DTNB: variants seen among roughly 807,000 people sequenced by gnomAD.
The protein encoded by DTNB is dystrobrevin beta.
In DTNB, 63 loss-of-function variants were observed where a neutral mutation model predicts 90.7. The ratio of observed to expected loss-of-function variants is 0.69; its 90% CI spans 0.57 to 0.86. The LOEUF (loss-of-function observed/expected upper bound fraction) is 0.86, where lower values mean the gene tolerates loss of function less well. Ranked by LOEUF, DTNB falls within the 40% of genes least tolerant of loss-of-function variation. DTNB has a pLI of 0.00. For synonymous variants in DTNB, 277 were observed against 286.7 expected (o/e 0.97, Z 0.34); for missense variants, 744 against 807.1 (o/e 0.92, Z 0.95).
intron 10 of DTNB, among the ~76,000 whole-genome samples, chr2:25,455,769 G>T (rs2059933723): frequency 1.3e-5 from 2 of 152,176 alleles, no homozygotes; most frequent in African/African-American, 2.4e-5. Flanking sequence ...AGTCGGCAGG[G>T]GAGCCGCATG....
At chr2:25,481,214 A>G (rs1486951796) in intron 10 of DTNB, among the ~76,000 whole-genome samples, 2 of 151,820 alleles carry the variant, frequency 1.3e-5, no homozygotes, top group Non-Finnish European at 2.9e-5. Context: ...CTTGGCCAAC[A>G]TGGTGAAACC....
intron 19 of DTNB, among the ~76,000 whole-genome samples, chr2:25,380,399 A>G (rs1487822152): frequency 6.6e-6 from 1 of 152,218 alleles, no homozygotes; most frequent in Non-Finnish European, 1.5e-5. Flanking sequence ...TGTATGAGCT[A>G]CGTTGTAGTT....
chr2:25,579,015 T>C (rs1163375415), intron 7 of DTNB, among the ~76,000 whole-genome samples: 1 of 152,206 alleles, frequency 6.6e-6, no homozygotes, highest in East Asian at 1.9e-4. Context: ...CTGATAAAAA[T>C]ATTACAAACC....
At chr2:25,515,522 C>A (rs530160458) in intron 9 of DTNB, among the ~76,000 whole-genome samples, 58 of 152,248 alleles carry the variant, frequency 3.8e-4, no homozygotes, top group African/African-American at 1.3e-3. Context: ...CTCAATGGTG[C>A]AAGGAATGGT....
intron 16 of DTNB, among the ~76,000 whole-genome samples, chr2:25,410,969 C>A (rs1238196175): frequency 6.7e-6 from 1 of 148,176 alleles, no homozygotes; most frequent in African/African-American, 2.5e-5. Flanking sequence ...ACTGTAACTG[C>A]TGCTAATCAG....
intron 15 of DTNB, among the ~76,000 whole-genome samples, chr2:25,427,224 C>CA (rs60780681): frequency 9.4e-5 from 14 of 148,588 alleles, no homozygotes; most frequent in African/African-American, 2.5e-4. Flanking sequence ...CACACACACA[C>CA]TACTTTAAGT....
intron 2 of DTNB, among the ~76,000 whole-genome samples, chr2:25,640,665 T>A (rs1415355488): frequency 6.6e-6 from 1 of 152,152 alleles, no homozygotes; most frequent in Non-Finnish European, 1.5e-5. Context: ...ATCTCAGTAC[T>A]TTGGGGGGCT....
intron 10 of DTNB, among the ~76,000 whole-genome samples, chr2:25,463,234 G>GCATCACTATACCCAGC: frequency 6.6e-6 from 1 of 152,030 alleles, no homozygotes; most frequent in African/African-American, 2.4e-5. Flanking sequence ...TAAATAAATG[G>GCATCACTATACCCAGC]CATCACTATA....
intron 5 of DTNB, among the ~76,000 whole-genome samples, chr2:25,597,623 A>G (rs186345436): frequency 6.6e-6 from 1 of 152,332 alleles, no homozygotes; most frequent in Admixed American, 6.5e-5. Context: ...TCCTCTCATG[A>G]CAGCTGCTAG....
intron 16 of DTNB, among the ~76,000 whole-genome samples, chr2:25,398,448 G>T (rs1191830387): frequency 6.6e-6 from 1 of 152,198 alleles, no homozygotes. Context: ...CGTGAATTCT[G>T]GTTTGTGTAG....
intron 10 of DTNB, among the ~76,000 whole-genome samples, chr2:25,469,151 G>T (rs1444713945): frequency 6.6e-6 from 1 of 152,136 alleles, no homozygotes; most frequent in East Asian, 1.9e-4. Flanking sequence ...TGTTTGCGGA[G>T]ATCATATATA....
Position 25,469,424 on chromosome 2 carries a change from C to T in DTNB, c.1079+13372G>A, listed in dbSNP as rs1212111559. ...AGGCTGGGCACCATGAAGGGTTGCC[C>T]AAGCCTATTCATTCATTCATTCATT... On this transcript the variant is annotated intron_variant, in intron 10 of 20. Transcript: ENST00000406818. Among the ~76,000 whole-genome samples the T allele has an allele frequency of 3.3e-5, 5 of 152,186 alleles. No homozygotes were observed. In the East Asian group the frequency reaches 9.6e-4, roughly 29 times the overall value.
At chr2:25,574,222 C>T (rs1465183267) in intron 8 of DTNB, among the ~76,000 whole-genome samples, 4 of 152,214 alleles carry the variant, frequency 2.6e-5, no homozygotes, top group African/African-American at 9.6e-5. Flanking sequence ...TTAAGCTCCA[C>T]AGGGCAGGAG....
chr2:25,437,118 G>A (rs1322562302), intron 12 of DTNB, among the ~76,000 whole-genome samples: 1 of 152,192 alleles, frequency 6.6e-6, no homozygotes, highest in Non-Finnish European at 1.5e-5. Flanking sequence ...TTCCAATCCT[G>A]AGGCAGCAGT....
intron 10 of DTNB, among the ~76,000 whole-genome samples, chr2:25,464,184 C>T (rs1298246715): frequency 6.6e-6 from 1 of 152,214 alleles, no homozygotes; most frequent in Admixed American, 6.5e-5. Context: ...GTTGGGATTA[C>T]AGGCATGAGC....
intron 10 of DTNB, among the ~76,000 whole-genome samples, chr2:25,470,595 T>A (rs888131239): frequency 4.6e-5 from 7 of 152,084 alleles, no homozygotes; most frequent in Non-Finnish European, 1.0e-4. Flanking sequence ...CAGGCCAGTC[T>A]TGAACTCCTG....
chr2:25,474,083 A>ATTTT (rs1184672454), intron 10 of DTNB, among the ~76,000 whole-genome samples: 1 of 152,122 alleles, frequency 6.6e-6, no homozygotes, highest in African/African-American at 2.4e-5. Flanking sequence ...AAATACTCAA[A>ATTTT]CTTTCTGTTT....
chr2:25,556,170 C>CTTT lies in DTNB; in HGVS notation c.876+20665_876+20667dup, dbSNP rs60714399. 9.9e-4 allele frequency among the ~76,000 whole-genome samples: 105 copies of CTTT among 105,550 alleles called. 4 individuals carry two copies. Among genetic ancestry groups the CTTT allele is most frequent in the African/African-American group, 2.1e-3 (53 of 25,738 alleles). The allele number at this position is 105,550 out of a possible 152,430, so 69.2% of individuals were successfully genotyped here. ...ATGTTTTGGTGTTTTGGCCATCTCT[C>CTTT]TTTTTTTTTTTTTTTTTTTTTGCCA... On this transcript the variant is annotated intron_variant, in intron 8 of 20. Transcript: ENST00000406818.
At chr2:25,654,458 C>G (rs2081658664) in intron 1 of DTNB, among the ~76,000 whole-genome samples, 1 of 152,110 alleles carries the variant, frequency 6.6e-6, no homozygotes, top group Non-Finnish European at 1.5e-5. Context: ...TCATCCAGTC[C>G]AAAACAGCCA....
Sources: gnomAD v4.1 joint callset for allele counts (sites outside exome capture counted in the v4.1 genomes callset) on GRCh38, gnomAD v4.1.1 for gene constraint, MANE v1.5 for transcripts, NCBI Gene and HGNC (gene_info 2026-07-23, HGNC 2026-07-21) for gene names.